The following HSH2D variants were observed in gnomAD, a reference collection of about 807,000 sequenced individuals.
HSH2D encodes hematopoietic SH2 domain-containing protein.
HSH2D carries 16 observed loss-of-function variants against 21.5 expected under a neutral mutation model. The observed-to-expected ratio is 0.74, with a 90% CI of 0.50 to 1.13. The LOEUF is 1.13. HSH2D is among the 50% of genes most tolerant of loss of function. The pLI, the probability that HSH2D is intolerant of heterozygous loss-of-function variation, is 0.00. For synonymous variants in HSH2D, 172 were observed against 184.7 expected (o/e 0.93, Z 0.56); for missense variants, 418 against 441.4 (o/e 0.95, Z 0.47).
intron 1 of HSH2D, among the ~76,000 whole-genome samples, chr19:16,138,453 G>A (rs10423767): frequency 2.0e-5 from 3 of 152,042 alleles, no homozygotes; most frequent in Admixed American, 6.6e-5. Flanking sequence ...GCCTTTGCCC[G>A]TGCTGATTTT....
At chr19:16,139,226 G>A (rs1390103887), upstream of HSH2D, among the ~76,000 whole-genome samples, 1 of 152,216 alleles carries the variant, frequency 6.6e-6, no homozygotes, top group Admixed American at 6.5e-5. Context: ...CTCAGCCAGT[G>A]TTTGTGAAAT....
intron 1 of HSH2D, among the ~76,000 whole-genome samples, chr19:16,145,172 G>A (rs899351287): frequency 2.0e-5 from 3 of 151,732 alleles, no homozygotes; most frequent in African/African-American, 4.8e-5. Flanking sequence ...CTGAGTAGCT[G>A]AGACTACAGG....
Position 16,144,793 on chromosome 19 carries a change from C to T in HSH2D, c.-28+1019C>T, listed in dbSNP as rs58802349. Reference sequence around the variant, plus strand: ...CTGCAAGCTCTGCCTCCCGAGTTCACGCCATTCTCCTGCCTCAGCCTCCCA... The same window carrying T: ...CTGCAAGCTCTGCCTCCCGAGTTCATGCCATTCTCCTGCCTCAGCCTCCCA... On this transcript the variant is annotated intron_variant, in intron 1 of 5. Transcript: ENST00000613986. 6.4e-3 allele frequency among the ~76,000 whole-genome samples: 895 copies of T among 140,228 alleles called. 6 individuals are homozygous for T. The highest frequency in any genetic ancestry group is 0.022 in the African/African-American group (854 of 38,046). The allele number at this position is 140,228 out of a possible 152,430, so 92.0% of individuals were successfully genotyped here.
intron 5 of HSH2D, among the ~76,000 whole-genome samples, chr19:16,157,000 G>A (rs1024377384): frequency 2.6e-5 from 4 of 151,836 alleles, no homozygotes; most frequent in African/African-American, 7.3e-5. Context: ...AAAAAAAAAG[G>A]AAGAAGAACA....
rs758006594 is a variant in HSH2D at position 16,157,430 on chromosome 19, C to G, written c.695C>G (p.Ser232Ter). 1 of 1,613,900 alleles carries G rather than the reference C, an allele frequency of 6.2e-7. No individual in the cohort carries two copies. Residue 232 changes from serine (S) to a stop codon, truncating the protein, a stop_gained, in exon 6 of 6, where the codon TCA becomes TGA. Transcript: ENST00000613986. LOFTEE classifies it low-confidence loss of function (END_TRUNC). This position sits in a 1 kb window ranked among gnomAD's most constrained non-coding sequence, Gnocchi z 4.4. Reference sequence around the variant, plus strand: ...CACCTCGCCACTGTGAACTTGTCGTCACTCTTGGATGTCCGGAGATCCACG... The same window carrying G: ...CACCTCGCCACTGTGAACTTGTCGTGACTCTTGGATGTCCGGAGATCCACG... Reference protein sequence around the residue: ...KSHLATVNLSSLLDVRRSTVI... With the variant: ...KSHLATVNLS
At chr19:16,143,587 G>A, upstream of HSH2D, 2 of 295,756 alleles carry the variant, frequency 6.8e-6, no homozygotes, top group South Asian at 4.7e-5. Flanking sequence ...ATGCTTTGTT[G>A]GACTGCAGAC....
At chr19:16,145,664 A>G (rs1420938439) in intron 1 of HSH2D, among the ~76,000 whole-genome samples, 1 of 152,220 alleles carries the variant, frequency 6.6e-6, no homozygotes, top group Non-Finnish European at 1.5e-5. Context: ...ATTGACTGCC[A>G]TTGGTCAACA....
chr19:16,150,103 T>A (rs527858563), intron 2 of HSH2D, among the ~76,000 whole-genome samples: 3 of 152,272 alleles, frequency 2.0e-5, no homozygotes, highest in Admixed American at 6.5e-5. Context: ...TTTAAAAAAA[T>A]TTTAGTAGTT....
At chr19:16,150,407 C>T (rs1003969491) in intron 2 of HSH2D, among the ~76,000 whole-genome samples, 3 of 151,484 alleles carry the variant, frequency 2.0e-5, no homozygotes, top group African/African-American at 4.9e-5. Context: ...GGCGTGGTGG[C>T]GCATGCCTGT....
chr19:16,156,379 T>C (rs968934728), intron 5 of HSH2D, among the ~76,000 whole-genome samples: 18 of 151,380 alleles, frequency 1.2e-4, no homozygotes, highest in African/African-American at 4.1e-4. Flanking sequence ...AGATGGGGTC[T>C]CACTACATTG....
At chr19:16,134,421 T>C (rs113648075) in intron 1 of HSH2D, among the ~76,000 whole-genome samples, 4 of 152,156 alleles carry the variant, frequency 2.6e-5, no homozygotes, top group African/African-American at 9.6e-5. Context: ...GTAGGGAAGT[T>C]TTAATATCCG....
chr19:16,152,680 G>A, intron 3 of HSH2D, 39 bp downstream of exon 3: 1 of 1,480,028 alleles, frequency 6.8e-7, no homozygotes, highest in Non-Finnish European at 9.2e-7. Context: ...GGGCAGGTGG[G>A]CTCTTGGGTT....
At chr19:16,135,367 TG>T (rs1326612469) in intron 1 of HSH2D, among the ~76,000 whole-genome samples, 1 of 151,912 alleles carries the variant, frequency 6.6e-6, no homozygotes, top group Non-Finnish European at 1.5e-5. Flanking sequence ...AGTTGGAGGC[TG>T]CAGTGAGCTG....
intron 5 of HSH2D, among the ~76,000 whole-genome samples, chr19:16,155,154 C>G (rs535789903): frequency 6.6e-6 from 1 of 152,188 alleles, no homozygotes; most frequent in South Asian, 2.1e-4. Context: ...TTTGGGAGAC[C>G]TTTAGGCACC....
chr19:16,154,320 C>T (rs146762769), intron 4 of HSH2D, 79 bp from the exon 5 acceptor site: 3 of 937,108 alleles, frequency 3.2e-6, no homozygotes, highest in African/African-American at 1.7e-5. Flanking sequence ...GGGATGGTCC[C>T]TGAGACCTGC....
intron 1 of HSH2D, among the ~76,000 whole-genome samples, chr19:16,145,338 G>A (rs2091053884): frequency 6.6e-6 from 1 of 152,050 alleles, no homozygotes; most frequent in African/African-American, 2.4e-5. Flanking sequence ...TCAGCCTCCT[G>A]AGTAGCTGGG....
rs373891391 is a variant in HSH2D, at chr19:16,157,557, C to T, written c.822C>T (p.Leu274=). ...CGGATCCCTGTGTGGCCACATCTCT[C>T]AAAAGCCCCTCACAGCCCCAGGCAC... ...GYTDPCVATS[L]KSPSQPQAPK... The change falls in exon 6 of 6, where the codon CTC becomes CTT. Residue 274 remains leucine (L), a synonymous_variant. Coordinates refer to ENST00000613986, the MANE Select transcript of HSH2D (RefSeq NM_001382417.1). This position sits in a 1 kb window ranked among gnomAD's most constrained non-coding sequence, Gnocchi z 4.4. 2 of 1,613,784 alleles carry T rather than the reference C, an allele frequency of 1.2e-6. No individual in the cohort carries two copies. Among genetic ancestry groups the T allele is most frequent in the Non-Finnish European group, 1.7e-6 (2 of 1,179,834 alleles).
At chr19:16,138,734 G>A (rs899848778), upstream of HSH2D, among the ~76,000 whole-genome samples, 1 of 152,034 alleles carries the variant, frequency 6.6e-6, no homozygotes, top group Non-Finnish European at 1.5e-5. Flanking sequence ...GGGATTACAG[G>A]TTTGAGCCAC....
intron 1 of HSH2D, among the ~76,000 whole-genome samples, chr19:16,147,647 T>C (rs1331210991): frequency 2.0e-5 from 3 of 151,714 alleles, no homozygotes; most frequent in Non-Finnish European, 4.4e-5. Flanking sequence ...TTGTTTTGTT[T>C]TGTTTTGTTT....
Sources: allele counts gnomAD v4.1 joint callset (sites outside exome capture counted in the v4.1 genomes callset), GRCh38; gene constraint gnomAD v4.1.1; non-coding constraint Gnocchi (gnomAD v3.1); transcripts MANE v1.5; gene names NCBI Gene and HGNC (gene_info 2026-07-23, HGNC 2026-07-21).